Variants in TNC observed in about 807,000 individuals in gnomAD.
TNC encodes tenascin C.
A neutral mutation model predicts 202.4 loss-of-function variants in TNC; 109 were observed. That is an observed-to-expected ratio of 0.54 (90% CI 0.46 to 0.63). The LOEUF (loss-of-function observed/expected upper bound fraction) is 0.63. Ranked by LOEUF, TNC falls within the 30% of genes least tolerant of loss-of-function variation. The pLI is 0.00. For synonymous variants in TNC, 1,007 were observed against 1,089.7 expected (o/e 0.92, Z 1.50); for missense variants, 2,756 against 2,833.3 (o/e 0.97, Z 0.62).
chr9:115,077,481 C>T (rs1017786634), intron 7 of TNC, among the ~76,000 whole-genome samples: 20 of 152,366 alleles, frequency 1.3e-4, no homozygotes, highest in Non-Finnish European at 2.5e-4. Context: ...TGAGCCACCA[C>T]GCCCGGCCTC....
At chr9:115,103,090 C>T (rs763861539) in intron 1 of TNC, among the ~76,000 whole-genome samples, 7 of 152,208 alleles carry the variant, frequency 4.6e-5, no homozygotes, top group African/African-American at 1.4e-4. Context: ...GTATTTACTA[C>T]GTTCCAGACA....
intron 19 of TNC, among the ~76,000 whole-genome samples, chr9:115,038,831 T>G (rs1363479782): frequency 6.6e-6 from 1 of 152,100 alleles, no homozygotes; most frequent in Non-Finnish European, 1.5e-5. Flanking sequence ...TTTGCTTTTT[T>G]CTTTTCTTTT....
At chr9:115,073,937 A>G (rs1175753167) in intron 9 of TNC, 71 bp from the exon 10 acceptor site, 2 of 1,502,164 alleles carry the variant, frequency 1.3e-6, no homozygotes, top group African/African-American at 2.7e-5. Flanking sequence ...CTGAAAGTCA[A>G]CTGCATCTGG....
chr9:115,034,270 G>GA (rs1263903720), intron 22 of TNC, among the ~76,000 whole-genome samples: 1 of 145,896 alleles, frequency 6.9e-6, no homozygotes, highest in Non-Finnish European at 1.6e-5. Context: ...ACTGTTATTT[G>GA]GGGGTCCCCC....
chr9:115,109,803 A>G (rs535003851), intron 1 of TNC, among the ~76,000 whole-genome samples: 2 of 152,312 alleles, frequency 1.3e-5, no homozygotes, highest in South Asian at 4.1e-4. Context: ...ATGTTGTGTC[A>G]TCACACTGCA....
chr9:115,098,645 C>T (rs539110762), intron 1 of TNC, among the ~76,000 whole-genome samples: 18 of 152,308 alleles, frequency 1.2e-4, no homozygotes, highest in African/African-American at 4.1e-4. Context: ...TAAGCACATA[C>T]ATGAAATATT....
At chr9:115,027,031 C>T (rs975351461) in intron 25 of TNC, among the ~76,000 whole-genome samples, 1 of 151,638 alleles carries the variant, frequency 6.6e-6, no homozygotes, top group Non-Finnish European at 1.5e-5. Flanking sequence ...ATCGCTTGAA[C>T]CCGAGAGGCA....
At chr9:115,077,199 C>T (rs1023960158) in intron 7 of TNC, among the ~76,000 whole-genome samples, 34 of 152,230 alleles carry the variant, frequency 2.2e-4, no homozygotes, top group Admixed American at 1.3e-4. Context: ...GGACTACAGG[C>T]ACCCGCCACC....
chr9:115,033,362 G>A (rs960099342), intron 22 of TNC, among the ~76,000 whole-genome samples: 1 of 152,144 alleles, frequency 6.6e-6, no homozygotes, highest in Non-Finnish European at 1.5e-5. Flanking sequence ...CAGGGATAAA[G>A]CTGGGTTCAT....
At chr9:115,048,693 T>G (rs1314986354) in intron 15 of TNC, among the ~76,000 whole-genome samples, 161 bp from the exon 16 acceptor site, 1 of 152,226 alleles carries the variant, frequency 6.6e-6, no homozygotes. Context: ...GGGTGCCAGA[T>G]AGTGTTATCT....
intron 1 of TNC, among the ~76,000 whole-genome samples, chr9:115,095,586 G>A (rs1192411156): frequency 2.2e-3 from 4 of 1,794 alleles, no homozygotes; most frequent in African/African-American, 4.6e-3. Context: ...GTATATATAT[G>A]TATATATATG....
intron 27 of TNC, among the ~76,000 whole-genome samples, chr9:115,023,507 C>T (rs972275989): frequency 1.3e-5 from 2 of 152,184 alleles, no homozygotes; most frequent in African/African-American, 4.8e-5. Context: ...GCCAACTTCA[C>T]TCTGTGACCT....
At chr9:115,113,011 T>A (rs531978468) in intron 1 of TNC, among the ~76,000 whole-genome samples, 1 of 152,224 alleles carries the variant, frequency 6.6e-6, no homozygotes, top group Non-Finnish European at 1.5e-5. Flanking sequence ...TTTGCCCTCA[T>A]GTAGCTTAAA....
At chr9:115,113,078 T>C (rs1193913761) in intron 1 of TNC, among the ~76,000 whole-genome samples, 1 of 152,170 alleles carries the variant, frequency 6.6e-6, no homozygotes, top group Admixed American at 6.5e-5. Flanking sequence ...TTAATTACAG[T>C]TTTTTTCAAG....
intron 1 of TNC, among the ~76,000 whole-genome samples, chr9:115,113,809 T>A (rs575004015): frequency 2.0e-5 from 3 of 152,322 alleles, no homozygotes; most frequent in East Asian, 3.9e-4. Flanking sequence ...CCGTTCGCGA[T>A]CTGCTTTTGA....
At chr9:115,092,483 T>C (rs925591538) in intron 1 of TNC, among the ~76,000 whole-genome samples, 18 of 152,220 alleles carry the variant, frequency 1.2e-4, no homozygotes, top group African/African-American at 4.3e-4. Context: ...CATGTGAGAA[T>C]GATCTATACA....
intron 26 of TNC, among the ~76,000 whole-genome samples, chr9:115,024,833 T>C (rs930566220): frequency 6.6e-6 from 1 of 152,214 alleles, no homozygotes; most frequent in Non-Finnish European, 1.5e-5. Flanking sequence ...TAATTTAATA[T>C]ATTGAATTTT....
At chr9:115,110,948 C>T (rs1455366182) in intron 1 of TNC, among the ~76,000 whole-genome samples, 3 of 148,628 alleles carry the variant, frequency 2.0e-5, no homozygotes, top group Admixed American at 1.3e-4. Context: ...GGTGTGATCT[C>T]GGCTAACTGC....
In TNC at chr9:115,085,868, T is replaced by C. The variant is rs1056668365; in HGVS notation, c.1863A>G (p.Ser621=). ...CNEGYSGEDC[S]EVSPPKDLVV... is the part of the protein sequence containing the mutation. ...GGTCTGCGCCCTGGCACTCACCCTC[T>C]GAGCAGTCTTCTCCGCTGTAGCCCT... The change falls in exon 3 of 28, where the codon TCA becomes TCG. Residue 621 remains serine (S), a synonymous_variant. Coordinates refer to ENST00000350763, the MANE Select transcript of TNC (RefSeq NM_002160.4). 5.0e-6 allele frequency: 8 copies of C among 1,603,314 alleles called. No individual in the cohort carries two copies. Among genetic ancestry groups the C allele is most frequent in the Middle Eastern group, 1.7e-4 (1 of 6,054 alleles).
Sources: allele counts gnomAD v4.1 joint callset (sites outside exome capture counted in the v4.1 genomes callset), GRCh38; gene constraint gnomAD v4.1.1; transcripts MANE v1.5; gene names NCBI Gene and HGNC (gene_info 2026-07-23, HGNC 2026-07-21).